PDSS2: variants seen among roughly 807,000 people sequenced by gnomAD.
PDSS2 encodes the protein decaprenyl diphosphate synthase subunit 2, also known as all trans-polyprenyl-diphosphate synthase PDSS2.
A neutral mutation model predicts 44.5 loss-of-function variants in PDSS2; 31 were observed. The ratio of observed to expected loss-of-function variants is 0.70; its 90% CI spans 0.52 to 0.94. The LOEUF (loss-of-function observed/expected upper bound fraction) is 0.94. Ranked by LOEUF, PDSS2 falls within the 40% of genes least tolerant of loss-of-function variation. The probability of loss-of-function intolerance (pLI) is 0.00; values close to 1 mark genes in which losing one functional copy is unlikely to be tolerated. For synonymous variants in PDSS2, 157 were observed against 180.3 expected (o/e 0.87, Z 1.03); for missense variants, 452 against 482.2 (o/e 0.94, Z 0.59).
chr6:107,365,696 AAC>A (rs1778939935), intron 1 of PDSS2, among the ~76,000 whole-genome samples: 1 of 152,222 alleles, frequency 6.6e-6, no homozygotes, highest in Non-Finnish European at 1.5e-5. Context: ...ATGCCATGCA[AAC>A]AGTCACCACA....
chr6:107,382,022 AGCC>A (rs1779469125), intron 1 of PDSS2, among the ~76,000 whole-genome samples: 1 of 152,194 alleles, frequency 6.6e-6, no homozygotes, highest in Non-Finnish European at 1.5e-5. Flanking sequence ...AGTAATGGGG[AGCC>A]TCTGAAGAAT....
chr6:107,384,598 G>A (rs1290604711), intron 1 of PDSS2, among the ~76,000 whole-genome samples: 2 of 150,662 alleles, frequency 1.3e-5, no homozygotes, highest in African/African-American at 2.4e-5. Flanking sequence ...TCGAGATCAC[G>A]CTATTGCATT....
At chr6:107,194,974 A>G (rs1167178559) in intron 6 of PDSS2, among the ~76,000 whole-genome samples, 1 of 151,964 alleles carries the variant, frequency 6.6e-6, no homozygotes, top group Non-Finnish European at 1.5e-5. Context: ...AAATCTTAAC[A>G]TAACAACCAG....
At chr6:107,348,487 C>T (rs1035622959) in intron 1 of PDSS2, among the ~76,000 whole-genome samples, 2 of 152,156 alleles carry the variant, frequency 1.3e-5, no homozygotes, top group African/African-American at 4.8e-5. Context: ...GTGAAACAAA[C>T]AGGGTAAGTT....
intron 1 of PDSS2, among the ~76,000 whole-genome samples, chr6:107,337,150 C>T (rs1275681906): frequency 6.6e-6 from 1 of 151,544 alleles, no homozygotes; most frequent in Non-Finnish European, 1.5e-5. Flanking sequence ...AGAAACTGTT[C>T]TACATGTTTT....
intron 6 of PDSS2, 84 bp downstream of exon 6, chr6:107,210,355 C>T (rs1773155002): frequency 1.0e-6 from 1 of 989,176 alleles, no homozygotes; most frequent in Non-Finnish European, 1.6e-6. Context: ...TCATCTATAG[C>T]CATATATCAC....
rs1031192329 is a variant in PDSS2, at chr6:107,282,594, C to T, written c.432-8367G>A. ...TTAATTATTTTTTGGGGCCGGGCTC[C>T]GTGGTTCATGCCTGTAATCCCAGCA... On this transcript the variant is annotated intron_variant, in intron 2 of 7. Transcript: ENST00000369037. Among the ~76,000 whole-genome samples, 8 of 151,550 alleles carry T rather than the reference C, an allele frequency of 5.3e-5. No individual in the cohort carries two copies. The South Asian group carries it at 1.0e-3, about 20-fold the overall frequency.
At chr6:107,322,797 T>C (rs1198893978) in intron 2 of PDSS2, among the ~76,000 whole-genome samples, 3 of 152,172 alleles carry the variant, frequency 2.0e-5, no homozygotes. Flanking sequence ...CACTCCAGCC[T>C]GGGCAACAGA....
intron 7 of PDSS2, among the ~76,000 whole-genome samples, chr6:107,176,045 A>G (rs1229404186): frequency 6.6e-6 from 1 of 151,772 alleles, no homozygotes; most frequent in African/African-American, 2.4e-5. Context: ...TTATTTATTT[A>G]TTTATTTATT....
At chr6:107,416,432 G>A (rs749120571) in intron 1 of PDSS2, among the ~76,000 whole-genome samples, 4 of 152,050 alleles carry the variant, frequency 2.6e-5, no homozygotes, top group African/African-American at 4.8e-5. Context: ...AGTCATATCC[G>A]GGTTGATTTG....
At chr6:107,456,003 A>G (rs184624445) in intron 1 of PDSS2, among the ~76,000 whole-genome samples, 54 of 152,250 alleles carry the variant, frequency 3.5e-4, no homozygotes, top group Admixed American at 8.5e-4. Flanking sequence ...ATATTAACAA[A>G]TGCAACAACC....
chr6:107,219,758 C>A (rs1320487856), intron 4 of PDSS2, among the ~76,000 whole-genome samples: 2 of 152,176 alleles, frequency 1.3e-5, no homozygotes, highest in African/African-American at 4.8e-5. Context: ...GAAGGTTAGA[C>A]CTGGTACTAG....
chr6:107,235,699 TA>T (rs1774199947), intron 4 of PDSS2, among the ~76,000 whole-genome samples: 2 of 151,800 alleles, frequency 1.3e-5, no homozygotes, highest in African/African-American at 2.4e-5. Context: ...ATACAACCCA[TA>T]ATGAGGGAGA....
intron 1 of PDSS2, among the ~76,000 whole-genome samples, chr6:107,375,073 TAATC>T (rs1779244342): frequency 3.3e-5 from 5 of 152,086 alleles, no homozygotes; most frequent in Admixed American, 2.6e-4. Flanking sequence ...AAAAATATAA[TAATC>T]AAAACATCAA....
At chr6:107,199,086 T>G (rs958829093) in intron 6 of PDSS2, among the ~76,000 whole-genome samples, 1 of 152,238 alleles carries the variant, frequency 6.6e-6, no homozygotes, top group Non-Finnish European at 1.5e-5. Flanking sequence ...AATACTATCC[T>G]TATTCTTTTT....
intron 7 of PDSS2, among the ~76,000 whole-genome samples, chr6:107,175,553 T>C (rs550650761): frequency 1.3e-5 from 2 of 152,272 alleles, no homozygotes; most frequent in South Asian, 4.1e-4. Flanking sequence ...AAAAGATACA[T>C]ATCACAGATT....
At chr6:107,436,347 T>A (rs2114780493) in intron 1 of PDSS2, among the ~76,000 whole-genome samples, 1 of 152,304 alleles carries the variant, frequency 6.6e-6, no homozygotes, top group East Asian at 1.9e-4. Flanking sequence ...GAATCCAAAT[T>A]ATTATCTAAA....
At chr6:107,396,757 T>C (rs959485947) in intron 1 of PDSS2, among the ~76,000 whole-genome samples, 1 of 142,700 alleles carries the variant, frequency 7.0e-6, no homozygotes, top group Non-Finnish European at 1.5e-5. Context: ...GGTGCAATCA[T>C]AGCTCACTGC....
At chr6:107,269,340 C>CTGTGTGTGTG (rs58803876) in intron 3 of PDSS2, among the ~76,000 whole-genome samples, 5,794 of 143,236 alleles carry the variant, frequency 0.04, 164 homozygotes, top group South Asian at 0.083. Context: ...TTTCGTGTGT[C>CTGTGTGTGTG]TGTGTGTGTG....
Sources: allele counts gnomAD v4.1 joint callset (sites outside exome capture counted in the v4.1 genomes callset), GRCh38; gene constraint gnomAD v4.1.1; transcripts MANE v1.5; gene names NCBI Gene and HGNC (gene_info 2026-07-23, HGNC 2026-07-21).